CTNND2: variants seen among roughly 807,000 people sequenced by gnomAD.
CTNND2 encodes catenin delta-2.
Under a neutral mutation model 144.4 loss-of-function variants are expected in CTNND2, and 22 were observed. The observed-to-expected ratio is 0.15, with a 90% confidence interval of 0.11 to 0.22. The LOEUF (loss-of-function observed/expected upper bound fraction) is 0.22, where lower values mean the gene tolerates loss of function less well. CTNND2 is among the 10% of genes least tolerant of loss of function. The probability of loss-of-function intolerance (pLI) is 1.00; values close to 1 mark genes in which losing one functional copy is unlikely to be tolerated. For missense variants in CTNND2, 1,353 were observed against 1,618.8 expected (o/e 0.84, Z 2.82); for synonymous variants, 751 against 695.6 (o/e 1.08, Z -1.25).
chr5:11,840,048 C>A (rs1461837767), intron 1 of CTNND2, among the ~76,000 whole-genome samples: 1 of 152,066 alleles, frequency 6.6e-6, no homozygotes, highest in African/African-American at 2.4e-5. Context: ...AACACAAAAT[C>A]TTTTTTCATT....
intron 2 of CTNND2, among the ~76,000 whole-genome samples, chr5:11,671,973 T>A (rs889315965): frequency 1.3e-5 from 2 of 152,186 alleles, no homozygotes; most frequent in Admixed American, 6.5e-5. Flanking sequence ...TGAGTAGATG[T>A]CCTTTTAGTT....
chr5:10,992,829 C>A, intron 18 of CTNND2, 152 bp from the exon 19 acceptor site: 1 of 1,035,406 alleles, frequency 9.7e-7, no homozygotes, highest in Admixed American at 2.4e-5. Context: ...TGGAGGTGAA[C>A]AGAGCCAAAT....
chr5:11,511,498 G>C (rs1378898744), intron 3 of CTNND2, among the ~76,000 whole-genome samples: 1 of 152,088 alleles, frequency 6.6e-6, no homozygotes, highest in South Asian at 2.1e-4. Flanking sequence ...CCCTCACATC[G>C]ACCATTCCCA....
At chr5:11,172,083 T>A (rs1029232521) in intron 11 of CTNND2, among the ~76,000 whole-genome samples, 3 of 152,300 alleles carry the variant, frequency 2.0e-5, no homozygotes, top group Admixed American at 2.0e-4. Flanking sequence ...TTTCGCGCCA[T>A]AATATTTCTC....
chr5:11,486,224 T>TACTAGGTGATAATATCCAGTAGATCAC (rs1180175478), intron 3 of CTNND2, among the ~76,000 whole-genome samples: 1 of 151,994 alleles, frequency 6.6e-6, no homozygotes, highest in East Asian at 1.9e-4. Context: ...CAGTAGATCA[T>TACTAGGTGATAATATCCAGTAGATCAC]ACTAGGTGAT....
At chr5:11,034,515 T>C (rs1449866086) in intron 16 of CTNND2, among the ~76,000 whole-genome samples, 4 of 152,238 alleles carry the variant, frequency 2.6e-5, no homozygotes, top group Admixed American at 1.3e-4. Flanking sequence ...TTCAAATATC[T>C]GCAAATGTAC....
At position 11,652,715 on chromosome 5, in the gene CTNND2, G is replaced by A. The variant is rs185289231; in HGVS notation, c.174+79421C>T. ...CTAATTAACATATCCATTACTTCATGTATGAAGTTGTGTGTGTGATGGGAA... is the reference window on the plus strand; with the variant it reads ...CTAATTAACATATCCATTACTTCATATATGAAGTTGTGTGTGTGATGGGAA... On this transcript the variant is annotated intron_variant, in intron 2 of 21. Coordinates refer to ENST00000304623, the MANE Select transcript of CTNND2 (RefSeq NM_001332.4). 2.4e-3 allele frequency among the ~76,000 whole-genome samples: 359 copies of A among 152,214 alleles called. 2 individuals are homozygous for A. Among genetic ancestry groups the A allele is most frequent in the Non-Finnish European group, 3.8e-3 (261 of 68,016 alleles).
At chr5:11,691,125 A>G (rs1784888949) in intron 2 of CTNND2, among the ~76,000 whole-genome samples, 1 of 152,012 alleles carries the variant, frequency 6.6e-6, no homozygotes, top group African/African-American at 2.4e-5. Flanking sequence ...TAATCCCAGC[A>G]CTTCGGGAGG....
chr5:11,695,376 G>C (rs906990037), intron 2 of CTNND2, among the ~76,000 whole-genome samples: 1 of 152,144 alleles, frequency 6.6e-6, no homozygotes, highest in Non-Finnish European at 1.5e-5. Flanking sequence ...TGTGTCTTGA[G>C]AGCTGTGTGG....
chr5:11,552,018 C>T (rs538135685), intron 3 of CTNND2, among the ~76,000 whole-genome samples: 22 of 152,276 alleles, frequency 1.4e-4, no homozygotes, highest in African/African-American at 4.3e-4. Flanking sequence ...GATCCCCTGC[C>T]CTTGGCCTCC....
intron 20 of CTNND2, among the ~76,000 whole-genome samples, chr5:10,984,053 C>T (rs572064632): frequency 2.3e-4 from 35 of 152,298 alleles, no homozygotes; most frequent in Middle Eastern, 3.4e-3. Context: ...AGTGAAGTAA[C>T]CCCTTCCGCC....
At chr5:11,182,301 T>G (rs918505843) in intron 11 of CTNND2, among the ~76,000 whole-genome samples, 1 of 151,836 alleles carries the variant, frequency 6.6e-6, no homozygotes, top group African/African-American at 2.4e-5. Flanking sequence ...TGCCTGCATG[T>G]GCTGGTCTGT....
intron 2 of CTNND2, among the ~76,000 whole-genome samples, chr5:11,712,747 T>C (rs1392700140): frequency 1.3e-5 from 2 of 152,188 alleles, no homozygotes; most frequent in Non-Finnish European, 2.9e-5. Flanking sequence ...GAGTCGTTCA[T>C]CCTAGAAATC....
chr5:11,343,470 T>G (rs2149734966), intron 9 of CTNND2, among the ~76,000 whole-genome samples: 1 of 152,300 alleles, frequency 6.6e-6, no homozygotes, highest in East Asian at 1.9e-4. Flanking sequence ...GACAATTTCC[T>G]TCATTCTTCC....
intron 3 of CTNND2, among the ~76,000 whole-genome samples, chr5:11,474,650 T>C (rs561332940): frequency 6.6e-6 from 1 of 152,344 alleles, no homozygotes; most frequent in African/African-American, 2.4e-5. Flanking sequence ...ATGGTTTTCC[T>C]TGAAGCACCA....
At chr5:11,842,328 A>G (rs1794514143) in intron 1 of CTNND2, among the ~76,000 whole-genome samples, 1 of 152,220 alleles carries the variant, frequency 6.6e-6, no homozygotes, top group Non-Finnish European at 1.5e-5. Flanking sequence ...AAGACGTACC[A>G]GTAACACAAG....
At chr5:11,138,357 A>T (rs1409963979) in intron 12 of CTNND2, among the ~76,000 whole-genome samples, 1 of 152,182 alleles carries the variant, frequency 6.6e-6, no homozygotes, top group African/African-American at 2.4e-5. Context: ...GCCAGGTAAC[A>T]GTCTCAGGTT....
rs754969193 is a variant in CTNND2 at position 11,384,614 on chromosome 5, G to A, written c.1177+51C>T. 1.2e-5 allele frequency: 19 copies of A among 1,523,536 alleles called. No homozygotes were observed. Among genetic ancestry groups the A allele is most frequent in the South Asian group, 9.5e-5 (8 of 84,156 alleles). 94.4% of individuals were successfully genotyped at this position (1,523,536 alleles called of 1,614,324 possible). A position where few individuals can be genotyped will look rare whatever the true frequency, so the allele number is the denominator to read the frequency against. On this transcript the variant is annotated intron_variant, in intron 7 of 21. Coordinates refer to ENST00000304623, the MANE Select transcript of CTNND2 (RefSeq NM_001332.4). The surrounding 1 kb of genome is among the most constrained non-coding windows in gnomAD (Gnocchi z 5.2). ...GCTCAAGCCGGGCTGCTGCTTCCGC[G>A]TCCCCGCCACGCGCCCAGGTGAGTC...
intron 3 of CTNND2, among the ~76,000 whole-genome samples, chr5:11,415,153 G>A (rs1032514613): frequency 6.6e-6 from 1 of 152,124 alleles, no homozygotes; most frequent in African/African-American, 2.4e-5. Flanking sequence ...GCTCTTTGAG[G>A]AATCATCATA....
Sources: gnomAD v4.1 joint callset for allele counts (sites outside exome capture counted in the v4.1 genomes callset) on GRCh38, gnomAD v4.1.1 for gene constraint, Gnocchi (gnomAD v3.1) non-coding constraint, MANE v1.5 for transcripts, NCBI Gene and HGNC (gene_info 2026-07-23, HGNC 2026-07-21) for gene names.